PTAR1: variants seen among roughly 807,000 people sequenced by gnomAD.
The protein encoded by PTAR1 is protein prenyltransferase alpha subunit repeat-containing protein 1.
Under a neutral mutation model 45.5 loss-of-function variants are expected in PTAR1, and 17 were observed. The observed-to-expected ratio is 0.37, with a 90% confidence interval of 0.26 to 0.56. PTAR1 has a LOEUF of 0.56. Among genes scored for constraint, PTAR1 ranks in the 20% least tolerant of loss-of-function variants. The probability of loss-of-function intolerance (pLI) is 0.77; values close to 1 mark genes in which losing one functional copy is unlikely to be tolerated. For synonymous variants in PTAR1, 169 were observed against 171.3 expected, an observed-to-expected ratio of 0.99 and a Z score of 0.11; for missense variants, 391 against 476.3, an observed-to-expected ratio of 0.82 and a Z score of 1.67.
chr9:69,711,717 ATAC>A lies in PTAR1; in HGVS notation c.*6622_*6624del, dbSNP rs763414015. The stretch of plus-strand genomic sequence containing the variant: ...TTATTAATATGCCTTGCACAAGAAA[ATAC>A]TACTTAATCTTTCACATCTCCTATC... On this transcript the variant is annotated 3_prime_UTR_variant, in exon 8 of 8. Transcript: ENST00000340434. 10 of 152,142 alleles carry A rather than the reference ATAC, an allele frequency of 6.6e-5. No homozygotes were observed. Among genetic ancestry groups the A allele is most frequent in the Non-Finnish European group, 1.3e-4 (9 of 68,014 alleles). The allele number at this position is 152,142 out of a possible 1,614,324, so 9.4% of individuals were successfully genotyped here.
intron 3 of PTAR1, among the ~76,000 whole-genome samples, chr9:69,738,510 T>C (rs1825893400): frequency 6.6e-6 from 1 of 152,206 alleles, no homozygotes; most frequent in Non-Finnish European, 1.5e-5. Flanking sequence ...GGCTGATGGA[T>C]AGGGGTATAA....
rs1376340835 is a variant in PTAR1 at position 69,711,606 on chromosome 9, T to C, written c.*6736A>G. ...AGAACCTAAACCCGATAGTACTGGA[T>C]ATACCAATACAGAGACTGATTGCAG... On this transcript the variant is annotated 3_prime_UTR_variant, in exon 8 of 8. Coordinates refer to ENST00000340434, the MANE Select transcript of PTAR1 (RefSeq NM_001099666.2). 6.6e-6 allele frequency: 1 copy of C among 152,196 alleles called. No individual in the cohort carries two copies. Among genetic ancestry groups the C allele is most frequent in the African/African-American group, 2.4e-5 (1 of 41,466 alleles). The allele number at this position is 152,196 out of a possible 1,614,324, so 9.4% of individuals were successfully genotyped here.
At position 69,718,259 on chromosome 9, in the gene PTAR1, A is replaced by G. The variant is rs1356074647; in HGVS notation, c.*83T>C. 1.2e-5 allele frequency: 11 copies of G among 930,684 alleles called. No individual in the cohort carries two copies. The highest frequency in any genetic ancestry group is 1.8e-5 in the Non-Finnish European group (11 of 626,544). 57.7% of individuals were successfully genotyped at this position (930,684 alleles called of 1,614,324 possible). On this transcript the variant is annotated 3_prime_UTR_variant, in exon 8 of 8. Coordinates refer to ENST00000340434, the MANE Select transcript of PTAR1 (RefSeq NM_001099666.2). ...GAACATATGGTTAGCCAATAATAGTAAACAGTTCATGCAACTATGTAAATA... is the reference window on the plus strand; with the variant it reads ...GAACATATGGTTAGCCAATAATAGTGAACAGTTCATGCAACTATGTAAATA...
chr9:69,718,737 A>T, intron 6 of PTAR1, 53 bp from the exon 7 acceptor site: 2 of 1,401,670 alleles, frequency 1.4e-6, no homozygotes, highest in Non-Finnish European at 9.5e-7. Flanking sequence ...TACAAAGTCA[A>T]GCTTTTCCAG....
intron 6 of PTAR1, 63 bp downstream of exon 6, chr9:69,723,263 C>T (rs963018505): frequency 5.7e-6 from 8 of 1,392,836 alleles, no homozygotes; most frequent in South Asian, 2.6e-5. Flanking sequence ...GTAACTAACA[C>T]TTTCTGCAGC....
At chr9:69,731,241 G>A (rs1214942175) in intron 5 of PTAR1, among the ~76,000 whole-genome samples, 3 of 152,066 alleles carry the variant, frequency 2.0e-5, no homozygotes, top group African/African-American at 7.2e-5. Context: ...GGAAGAAGAG[G>A]GTGGTAAGTT....
At chr9:69,740,634 G>C (rs1826000785) in intron 3 of PTAR1, among the ~76,000 whole-genome samples, 1 of 145,128 alleles carries the variant, frequency 6.9e-6, no homozygotes. Flanking sequence ...ACTAGAGTTA[G>C]ATGCTAAGGA....
Position 69,709,937 on chromosome 9 carries a change from T to G in PTAR1, c.*8405A>C, listed in dbSNP as rs1243628720. ...AATCAGCATATCATGGTATTTTACA[T>G]GGTATGGAATTATTCCTCCTTAATA... On this transcript the variant is annotated 3_prime_UTR_variant, in exon 8 of 8. Coordinates refer to ENST00000340434, the MANE Select transcript of PTAR1 (RefSeq NM_001099666.2). 1 of 152,200 alleles carries G rather than the reference T, an allele frequency of 6.6e-6. No individual in the cohort carries two copies. Among genetic ancestry groups the G allele is most frequent in the Non-Finnish European group, 1.5e-5 (1 of 68,016 alleles). 9.4% of individuals were successfully genotyped at this position (152,200 alleles called of 1,614,324 possible).
At chr9:69,734,737 A>AG (rs1291299490) in intron 3 of PTAR1, among the ~76,000 whole-genome samples, 1 of 152,188 alleles carries the variant, frequency 6.6e-6, no homozygotes, top group East Asian at 1.9e-4. Flanking sequence ...GGAAAAAAAA[A>AG]TCATTCATGG....
chr9:69,720,642 TA>T (rs1824953656), intron 6 of PTAR1, among the ~76,000 whole-genome samples: 1 of 152,202 alleles, frequency 6.6e-6, no homozygotes, highest in African/African-American at 2.4e-5. Flanking sequence ...CTTTCATAGC[TA>T]GAGAGAAATC....
At chr9:69,758,495 T>C (rs918480577) in intron 1 of PTAR1, 1 of 164,626 alleles carries the variant, frequency 6.1e-6, no homozygotes, top group African/African-American at 2.4e-5. Context: ...GCAACCACTA[T>C]GGATACTGCC....
chr9:69,746,868 C>T (rs1393543540), intron 2 of PTAR1, among the ~76,000 whole-genome samples: 1 of 152,226 alleles, frequency 6.6e-6, no homozygotes, highest in Admixed American at 6.5e-5. Context: ...GTAATGGTCA[C>T]TGGATTTGAC....
chr9:69,742,351 A>G (rs1167855765), intron 2 of PTAR1, among the ~76,000 whole-genome samples: 3 of 152,142 alleles, frequency 2.0e-5, no homozygotes, highest in Non-Finnish European at 4.4e-5. Flanking sequence ...AGGTATAGCA[A>G]TGATAAATGT....
rs1588446360 is a variant in PTAR1 at position 69,723,384 on chromosome 9, C to T, written c.889G>A (p.Glu297Lys). ...GAATCAATAAGATCAGTGCTGAATTCAACTTCTTCTTCTAGAAGATGGGGA... is the reference window on the plus strand; with the variant it reads ...GAATCAATAAGATCAGTGCTGAATTTAACTTCTTCTTCTAGAAGATGGGGA... ...NLPHLLEEEV[E>K]FSTDLIDSYP... Residue 297 changes from glutamate to lysine, a missense_variant, in exon 6 of 8, where the codon GAA (glutamate) becomes AAA (lysine). Around this residue, in one of 5 missense-constraint regions of PTAR1, gnomAD observed 181 missense variants for 227.7 expected, o/e 0.80. Coordinates refer to ENST00000340434, the MANE Select transcript of PTAR1 (RefSeq NM_001099666.2). 1 of 1,613,880 alleles carries T rather than the reference C, an allele frequency of 6.2e-7. No individual in the cohort carries two copies. The highest frequency in any genetic ancestry group is 2.2e-5 in the East Asian group (1 of 44,862).
intron 1 of PTAR1, among the ~76,000 whole-genome samples, chr9:69,755,320 G>A (rs765494002): frequency 1.3e-5 from 2 of 152,112 alleles, no homozygotes; most frequent in African/African-American, 2.4e-5. Context: ...CTCTTTGAGC[G>A]CCTCACTTCA....
chr9:69,747,348 G>GTA (rs1826318014), intron 2 of PTAR1, among the ~76,000 whole-genome samples: 1 of 152,190 alleles, frequency 6.6e-6, no homozygotes, highest in Non-Finnish European at 1.5e-5. Context: ...GTGTGTATGT[G>GTA]TATGCACGTG....
At chr9:69,727,091 T>C (rs550694375) in intron 5 of PTAR1, among the ~76,000 whole-genome samples, 5 of 151,972 alleles carry the variant, frequency 3.3e-5, no homozygotes, top group Non-Finnish European at 7.4e-5. Flanking sequence ...TACGACATAT[T>C]GTTTTTATGT....
chr9:69,741,699 A>G (rs1215797636), intron 3 of PTAR1, 93 bp downstream of exon 3: 1 of 786,852 alleles, frequency 1.3e-6, no homozygotes, highest in Non-Finnish European at 2.2e-6. Context: ...AAAATGGTTT[A>G]TATTTCGTTT....
chr9:69,748,398 A>T (rs1245096580), intron 2 of PTAR1, among the ~76,000 whole-genome samples: 1 of 31,006 alleles, frequency 3.2e-5, no homozygotes, highest in Non-Finnish European at 7.3e-5. Flanking sequence ...TTACTATCAC[A>T]GACTTAAAAA....
Sources: gnomAD v4.1 joint callset for allele counts (sites outside exome capture counted in the v4.1 genomes callset) on GRCh38, gnomAD v4.1.1 for gene constraint, gnomAD v4.1.1 regional missense constraint, MANE v1.5 for transcripts, NCBI Gene and HGNC (gene_info 2026-07-23, HGNC 2026-07-21) for gene names.